NR1D1: variants seen among roughly 807,000 people sequenced by gnomAD.
The protein encoded by NR1D1 is nuclear receptor subfamily 1 group D member 1, also known as Rev-ErbAalpha.
In NR1D1, 17 loss-of-function variants were observed where a neutral mutation model predicts 51.1. The observed-to-expected ratio is 0.33, with a 90% confidence interval of 0.23 to 0.50. The LOEUF (loss-of-function observed/expected upper bound fraction) is 0.50. Among genes scored for constraint, NR1D1 ranks in the 20% least tolerant of loss-of-function variants. The pLI, the probability that NR1D1 is intolerant of heterozygous loss-of-function variation, is 0.98. For synonymous variants in NR1D1, 341 were observed against 333.4 expected (o/e 1.02, Z -0.25); for missense variants, 647 against 830.4 (o/e 0.78, Z 2.71).
At chr17:40,099,547 C>T (rs1987835139) in intron 1 of NR1D1, among the ~76,000 whole-genome samples, 3 of 152,164 alleles carry the variant, frequency 2.0e-5, no homozygotes, top group Admixed American at 2.0e-4. Flanking sequence ...GTGTCGCTCC[C>T]TCCTGTCACT....
At position 40,092,960 on chromosome 17, in the gene NR1D1, G is replaced by A. The variant is rs982852870; in HGVS notation, c.*123C>T. 3.2e-6 allele frequency: 5 copies of A among 1,566,668 alleles called. No homozygotes were observed. The highest frequency in any genetic ancestry group is 1.9e-4 in the Middle Eastern group (1 of 5,182). ...CTCAGGGGGCCAGAGGCTCATCTTGGAATATTTTATAACAATATAAATAAG... is the reference window on the plus strand; with the variant it reads ...CTCAGGGGGCCAGAGGCTCATCTTGAAATATTTTATAACAATATAAATAAG... On this transcript the variant is annotated 3_prime_UTR_variant, in exon 8 of 8. Transcript: ENST00000246672.
At position 40,092,969 on chromosome 17, in the gene NR1D1, A is replaced by G. The variant is rs747714385; in HGVS notation, c.*114T>C. On this transcript the variant is annotated 3_prime_UTR_variant, in exon 8 of 8. Coordinates refer to ENST00000246672, the MANE Select transcript of NR1D1 (RefSeq NM_021724.5). ...CCAGAGGCTCATCTTGGAATATTTT[A>G]TAACAATATAAATAAGATTCTGGTT... 5.1e-6 allele frequency: 8 copies of G among 1,583,430 alleles called. No homozygotes were observed. Among genetic ancestry groups the G allele is most frequent in the Non-Finnish European group, 3.4e-6 (4 of 1,162,336 alleles).
At chr17:40,098,196 G>A (rs1286457366) in intron 1 of NR1D1, among the ~76,000 whole-genome samples, 3 of 152,190 alleles carry the variant, frequency 2.0e-5, no homozygotes, top group Non-Finnish European at 4.4e-5. Context: ...CTGTGCTCCC[G>A]TGGTATTAGC....
intron 1 of NR1D1, among the ~76,000 whole-genome samples, chr17:40,098,045 C>G (rs10451256): frequency 0.014 from 2,148 of 152,258 alleles, 54 homozygotes; most frequent in African/African-American, 0.049. Flanking sequence ...CTTCGAGGTG[C>G]GAGTTGCAGG....
chr17:40,093,008 C>G lies in NR1D1; in HGVS notation c.*75G>C. 6.2e-7 allele frequency: 1 copy of G among 1,600,476 alleles called. No homozygotes were observed. The highest frequency in any genetic ancestry group is 8.5e-7 in the Non-Finnish European group (1 of 1,169,986). Reference sequence around the variant, plus strand: ...AAGATTCTGGTTTGCTTTTCCTTTTCGTCTCGTAAAGGAGAGAGAAGTGCA... The same window carrying G: ...AAGATTCTGGTTTGCTTTTCCTTTTGGTCTCGTAAAGGAGAGAGAAGTGCA... On this transcript the variant is annotated 3_prime_UTR_variant, in exon 8 of 8. Coordinates refer to ENST00000246672, the MANE Select transcript of NR1D1 (RefSeq NM_021724.5). This position sits in a 1 kb window ranked among gnomAD's most constrained non-coding sequence, Gnocchi z 5.9.
At chr17:40,096,959 C>T (rs2314339) in intron 2 of NR1D1, 106 bp downstream of exon 2, 200,901 of 1,287,204 alleles carry the variant, frequency 0.16, 20,503 homozygotes, top group East Asian at 0.55. Flanking sequence ...GGAGAAATCC[C>T]TGAAGCCAGA....
rs773418769 is a variant in NR1D1 at position 40,095,482 on chromosome 17, T to C, written c.1210A>G (p.Asn404Asp). The C allele has an allele frequency of 1.3e-6, 2 of 1,547,336 alleles. No individual in the cohort carries two copies. Among genetic ancestry groups the C allele is most frequent in the Non-Finnish European group, 1.7e-6 (2 of 1,145,932 alleles). ...TTTGAGTTGCCCTGCCGGGGACTGT[T>C]GGCAGGTGCCTTGCCTTCTGGGGCT... ...YAAPEGKAPA[N>D]SPRQGNSKNV... Residue 404 changes from asparagine to aspartate, a missense_variant, in exon 5 of 8, where the codon AAC (asparagine) becomes GAC (aspartate). Transcript: ENST00000246672.
intron 1 of NR1D1, among the ~76,000 whole-genome samples, chr17:40,099,226 G>C (rs1346490761): frequency 6.6e-6 from 1 of 152,190 alleles, no homozygotes; most frequent in African/African-American, 2.4e-5. Flanking sequence ...TCAATCGAGA[G>C]CAGTCGCCCC....
chr17:40,099,420 T>G (rs1987831852), intron 1 of NR1D1, among the ~76,000 whole-genome samples: 1 of 152,148 alleles, frequency 6.6e-6, no homozygotes, highest in African/African-American at 2.4e-5. Context: ...CGGCTTCTGC[T>G]GAATGAAAAC....
chr17:40,100,091 T>C lies in NR1D1; in HGVS notation c.4A>G (p.Thr2Ala). 2.5e-6 allele frequency: 4 copies of C among 1,611,078 alleles called. No individual in the cohort carries two copies. The highest frequency in any genetic ancestry group is 3.4e-6 in the Non-Finnish European group (4 of 1,177,230). M[T>A]TLDSNNNTGG... ...GTGTTGTTGTTGGAGTCCAGGGTCG[T>C]CATGTCTTCACCAGCTGAGAGCGGT... Residue 2 changes from threonine to alanine, a missense_variant, in exon 1 of 8, where the codon ACG (threonine) becomes GCG (alanine). Thr to Ala is a moderately conservative substitution (Grantham distance 58, BLOSUM62 0). Coordinates refer to ENST00000246672, the MANE Select transcript of NR1D1 (RefSeq NM_021724.5).
chr17:40,096,932 G>A (rs1567660658), intron 2 of NR1D1, 133 bp downstream of exon 2: 2 of 1,161,890 alleles, frequency 1.7e-6, no homozygotes, highest in Non-Finnish European at 2.5e-6. Flanking sequence ...GGCTGAAGAG[G>A]GGCTGGTGCC....
rs1987669836 is a variant in NR1D1 at position 40,093,480 on chromosome 17, G to A, written c.1646-198C>T. 6 of 1,466,882 alleles carry A rather than the reference G, an allele frequency of 4.1e-6. No individual in the cohort carries two copies. The highest frequency in any genetic ancestry group is 4.5e-6 in the Non-Finnish European group (5 of 1,104,596). 90.9% of individuals were successfully genotyped at this position (1,466,882 alleles called of 1,614,324 possible). On this transcript the variant is annotated intron_variant, in intron 7 of 7. Coordinates refer to ENST00000246672, the MANE Select transcript of NR1D1 (RefSeq NM_021724.5). This position sits in a 1 kb window ranked among gnomAD's most constrained non-coding sequence, Gnocchi z 5.9. Reference sequence around the variant, plus strand: ...GAGGTGCCTGAAAGCTGGGAGCGTGGGCTCAGCAGGGCTGGTCACCTCCCA... The same window carrying A: ...GAGGTGCCTGAAAGCTGGGAGCGTGAGCTCAGCAGGGCTGGTCACCTCCCA...
Position 40,100,370 on chromosome 17 carries a change from T to C in NR1D1, c.-276A>G, listed in dbSNP as rs1598404463. 1 of 583,986 alleles carries C rather than the reference T, an allele frequency of 1.7e-6. No homozygotes were observed. The highest frequency in any genetic ancestry group is 3.1e-6 in the Non-Finnish European group (1 of 327,290). 36.2% of individuals were successfully genotyped at this position (583,986 alleles called of 1,614,324 possible). Reference sequence around the variant, plus strand: ...GCCTGCAGTAGTTCTGGCTAGAAGGTAGCAAGGAGGGTCGGGTCTCTGCAG... The same window carrying C: ...GCCTGCAGTAGTTCTGGCTAGAAGGCAGCAAGGAGGGTCGGGTCTCTGCAG... On this transcript the variant is annotated 5_prime_UTR_variant, in exon 1 of 8. Transcript: ENST00000246672.
At position 40,097,087 on chromosome 17, in the gene NR1D1, G is replaced by C. The variant is rs200115358; in HGVS notation, c.348C>G (p.Ser116Arg). The C allele has an allele frequency of 6.2e-7, 1 of 1,602,902 alleles. No homozygotes were observed. Among genetic ancestry groups the C allele is most frequent in the Admixed American group, 1.7e-5 (1 of 58,606 alleles). ...AMEDSSRVSPSKSTSNITKLN... is the reference protein window; with the variant it reads ...AMEDSSRVSPRKSTSNITKLN... ...CACTGGTGATGTTGCTGGTGCTCTT[G>C]CTGGGGGACACTCGGCTGCTGTCCT... is the stretch of plus-strand genomic sequence containing the variant. Residue 116 changes from serine to arginine, a missense_variant, in exon 2 of 8, where the codon AGC becomes AGG. By Grantham distance (110) the Ser-to-Arg change is moderately radical (BLOSUM62 -1). Transcript: ENST00000246672.
chr17:40,093,569 T>G lies in NR1D1; in HGVS notation c.1646-287A>C, dbSNP rs1987673251. ...ATGGCCAGACTCCCTTGCTTTTTGC[T>G]GTGTAGTTCCCTCTGCCTGGGATGC... On this transcript the variant is annotated intron_variant, in intron 7 of 7. Coordinates refer to ENST00000246672, the MANE Select transcript of NR1D1 (RefSeq NM_021724.5). The surrounding 1 kb of genome is among the most constrained non-coding windows in gnomAD (Gnocchi z 5.9). 1.1e-6 allele frequency: 1 copy of G among 949,492 alleles called. No individual in the cohort carries two copies. The highest frequency in any genetic ancestry group is 1.5e-6 in the Non-Finnish European group (1 of 655,408). 58.8% of individuals were successfully genotyped at this position (949,492 alleles called of 1,614,324 possible). A position where few individuals can be genotyped will look rare whatever the true frequency, so the allele number is the denominator to read the frequency against.
In NR1D1 at chr17:40,097,360, G is replaced by A. The variant is rs1233281600; in HGVS notation, c.75C>T (p.Ser25=). ...TYIGSSGSSP[S]RTSPESLYSD... The stretch of plus-strand genomic sequence containing the variant: ...TATAGAGGGATTCAGGGCTGGTGCG[G>A]CTTGGGGAGGAGCCACTGGAGCCAA... The change falls in exon 2 of 8, where the codon AGC becomes AGT. Residue 25 remains serine, a synonymous_variant. Transcript: ENST00000246672. 5 of 1,612,320 alleles carry A rather than the reference G, an allele frequency of 3.1e-6. No homozygotes were observed. The highest frequency in any genetic ancestry group is 3.4e-6 in the Non-Finnish European group (4 of 1,179,564).
At chr17:40,098,906 G>T (rs1043835822) in intron 1 of NR1D1, among the ~76,000 whole-genome samples, 4 of 152,182 alleles carry the variant, frequency 2.6e-5, no homozygotes, top group Non-Finnish European at 5.9e-5. Context: ...GAGTGAAGTG[G>T]AAAGGAGTGA....
At position 40,100,324 on chromosome 17, in the gene NR1D1, G is replaced by A. The variant is rs1446085452; in HGVS notation, c.-230C>T. On this transcript the variant is annotated 5_prime_UTR_variant, in exon 1 of 8. Transcript: ENST00000246672. ...TTCTGCTTTGCATGGGAAGAGCAGA[G>A]AGAGTGTGTAGGGGGAATCAGCCTG... 2 of 617,208 alleles carry A rather than the reference G, an allele frequency of 3.2e-6. No individual in the cohort carries two copies. The highest frequency in any genetic ancestry group is 5.4e-5 in the East Asian group (2 of 36,800). The allele number at this position is 617,208 out of a possible 1,614,324, so 38.2% of individuals were successfully genotyped here. A position where few individuals can be genotyped will look rare whatever the true frequency, so the allele number is the denominator to read the frequency against.
chr17:40,093,887 C>CG lies in NR1D1; in HGVS notation c.1645+24dup, dbSNP rs1555545694. On this transcript the variant is annotated intron_variant, in intron 7 of 7. Transcript: ENST00000246672. This position sits in a 1 kb window ranked among gnomAD's most constrained non-coding sequence, Gnocchi z 5.9. ...ATTGAACTGCGTCTGCCTCCTCCCC[C>CG]GGGTCAGGCGAGAGCCTGACCTACC... 2.5e-6 allele frequency: 4 copies of CG among 1,599,362 alleles called. No individual in the cohort carries two copies. The highest frequency in any genetic ancestry group is 2.7e-5 in the African/African-American group (2 of 74,862).
Sources: allele counts gnomAD v4.1 joint callset (sites outside exome capture counted in the v4.1 genomes callset), GRCh38; gene constraint gnomAD v4.1.1; non-coding constraint Gnocchi (gnomAD v3.1); transcripts MANE v1.5; gene names NCBI Gene and HGNC (gene_info 2026-07-23, HGNC 2026-07-21).